The following HIPK2 variants were observed in gnomAD, a reference collection of about 807,000 sequenced individuals.
HIPK2 encodes homeodomain interacting protein kinase 2, also known as homeodomain-interacting protein kinase 2.
A neutral mutation model predicts 113.7 loss-of-function variants in HIPK2; 27 were observed. The observed-to-expected ratio is 0.24, with a 90% CI of 0.17 to 0.33. The LOEUF is 0.33. Among genes scored for constraint, HIPK2 ranks in the 10% least tolerant of loss-of-function variants. The pLI is 1.00. For synonymous variants in HIPK2, 631 were observed against 642.2 expected (o/e 0.98, Z 0.26); for missense variants, 1,257 against 1,588.0 (o/e 0.79, Z 3.54).
intron 2 of HIPK2, among the ~76,000 whole-genome samples, chr7:139,641,784 G>A (rs1359872637): frequency 2.0e-5 from 3 of 152,202 alleles, no homozygotes; most frequent in African/African-American, 7.2e-5. Context: ...TCAATGTCTT[G>A]CTCATTTACA....
chr7:139,575,318 A>G (rs572022012), intron 13 of HIPK2, 30 bp from the exon 14 acceptor site: 1 of 1,540,666 alleles, frequency 6.5e-7, no homozygotes, highest in African/African-American at 1.4e-5. Flanking sequence ...AGGTCAGATC[A>G]GTGGCAGGGT....
rs372767243 is a variant in HIPK2, at chr7:139,743,865, T to C, written c.20-26850A>G. On this transcript the variant is annotated intron_variant, in intron 1 of 14. Transcript: ENST00000406875. ...AGAGACCTGGAATGAGGAACTAACA[T>C]TGATTGTATGCCTATTTAAAAGCCA... Among the ~76,000 whole-genome samples, 11 of 152,358 alleles carry C rather than the reference T, an allele frequency of 7.2e-5. No homozygotes were observed. The South Asian group carries it at 2.1e-3, about 29-fold the overall frequency.
intron 7 of HIPK2, among the ~76,000 whole-genome samples, chr7:139,617,399 A>C (rs969520585): frequency 6.6e-6 from 1 of 152,212 alleles, no homozygotes; most frequent in African/African-American, 2.4e-5. Context: ...CAGGTTTTCC[A>C]AAAATGGAAG....
chr7:139,712,790 C>T (rs757581732), intron 2 of HIPK2, among the ~76,000 whole-genome samples: 1 of 152,116 alleles, frequency 6.6e-6, no homozygotes, highest in Non-Finnish European at 1.5e-5. Flanking sequence ...ACAGCTGGGA[C>T]GAAAAGAGAC....
chr7:139,636,953 C>T (rs533033999), intron 2 of HIPK2, among the ~76,000 whole-genome samples: 1 of 152,288 alleles, frequency 6.6e-6, no homozygotes, highest in East Asian at 1.9e-4. Flanking sequence ...CTCTGATCCC[C>T]CTCTCTAAAC....
chr7:139,698,972 T>C (rs2116834694), intron 2 of HIPK2, among the ~76,000 whole-genome samples: 1 of 152,082 alleles, frequency 6.6e-6, no homozygotes, highest in South Asian at 2.1e-4. Flanking sequence ...GAAAGATGAA[T>C]AGAGAAATGA....
chr7:139,582,376 C>T (rs1425934814), intron 13 of HIPK2, among the ~76,000 whole-genome samples: 2 of 152,218 alleles, frequency 1.3e-5, no homozygotes, highest in Non-Finnish European at 2.9e-5. Context: ...CGAGAGAGCA[C>T]AGCGCGAGCT....
intron 9 of HIPK2, among the ~76,000 whole-genome samples, chr7:139,607,736 T>C (rs919772605): frequency 6.6e-6 from 1 of 151,954 alleles, no homozygotes; most frequent in African/African-American, 2.4e-5. Context: ...GTGGGAGGAA[T>C]AGGAGAAAAG....
intron 1 of HIPK2, among the ~76,000 whole-genome samples, chr7:139,744,274 A>T (rs1338270573): frequency 6.6e-6 from 1 of 152,270 alleles, no homozygotes; most frequent in East Asian, 1.9e-4. Context: ...TACAACATGG[A>T]TGAACCTCAA....
At position 139,562,415 on chromosome 7, in the gene HIPK2, T is replaced by G. The variant is rs1392181916; in HGVS notation, c.*10512A>C. On this transcript the variant is annotated 3_prime_UTR_variant, in exon 15 of 15. Coordinates refer to ENST00000406875, the MANE Select transcript of HIPK2 (RefSeq NM_022740.5). ...TCTTCCCTGTTCTCATTTTGGGGAG[T>G]GAGTCTTTCTATCCAGTGTCCTGAA... The G allele has an allele frequency of 1.3e-5, 2 of 152,046 alleles. No individual in the cohort carries two copies. Among genetic ancestry groups the G allele is most frequent in the East Asian group, 3.9e-4 (2 of 5,192 alleles). The allele number at this position is 152,046 out of a possible 1,614,324, so 9.4% of individuals were successfully genotyped here. A position where few individuals can be genotyped will look rare whatever the true frequency, so the allele number is the denominator to read the frequency against.
At chr7:139,729,197 C>A (rs1795687596) in intron 1 of HIPK2, among the ~76,000 whole-genome samples, 1 of 152,002 alleles carries the variant, frequency 6.6e-6, no homozygotes, top group African/African-American at 2.4e-5. Flanking sequence ...TGGTGGTGCA[C>A]ACCCATAGTC....
At chr7:139,621,316 G>A (rs372540835) in intron 6 of HIPK2, among the ~76,000 whole-genome samples, 20 of 152,290 alleles carry the variant, frequency 1.3e-4, no homozygotes, top group African/African-American at 3.1e-4. Context: ...GGCTACCTTC[G>A]TGTATACACA....
intron 6 of HIPK2, among the ~76,000 whole-genome samples, chr7:139,625,711 C>T (rs554549865): frequency 1.3e-5 from 2 of 152,332 alleles, no homozygotes; most frequent in African/African-American, 4.8e-5. Flanking sequence ...ATGCTCTCAT[C>T]ACACCTGATA....
intron 1 of HIPK2, among the ~76,000 whole-genome samples, chr7:139,723,093 C>T (rs1423053536): frequency 6.6e-6 from 1 of 151,912 alleles, no homozygotes; most frequent in Non-Finnish European, 1.5e-5. Context: ...ATGAGAAATT[C>T]ATTGGTCTGG....
intron 1 of HIPK2, among the ~76,000 whole-genome samples, chr7:139,764,136 A>G (rs981871577): frequency 1.3e-5 from 2 of 152,250 alleles, no homozygotes; most frequent in Non-Finnish European, 2.9e-5. Flanking sequence ...ATGCTAAGAT[A>G]TATGTTTAAA....
rs941932409 is a variant in HIPK2, at chr7:139,562,091, T to C, written c.*10836A>G. The C allele has an allele frequency of 5.9e-5, 9 of 152,268 alleles. No individual in the cohort carries two copies. The highest frequency in any genetic ancestry group is 1.9e-4 in the African/African-American group (8 of 41,536). 9.4% of individuals were successfully genotyped at this position (152,268 alleles called of 1,614,324 possible). A position where few individuals can be genotyped will look rare whatever the true frequency, so the allele number is the denominator to read the frequency against. Reference sequence around the variant, plus strand: ...AGGTTACATATAGGTCTACAACACATTGGTTTGTCTTTAAAAAAACAAAAG... The same window carrying C: ...AGGTTACATATAGGTCTACAACACACTGGTTTGTCTTTAAAAAAACAAAAG... On this transcript the variant is annotated 3_prime_UTR_variant, in exon 15 of 15. Transcript: ENST00000406875.
chr7:139,581,596 T>C (rs558401533), intron 13 of HIPK2, among the ~76,000 whole-genome samples: 1 of 152,242 alleles, frequency 6.6e-6, no homozygotes, highest in South Asian at 2.1e-4. Flanking sequence ...CTAAGAGGGC[T>C]GGGGGAGCGC....
intron 6 of HIPK2, among the ~76,000 whole-genome samples, 190 bp from the exon 7 acceptor site, chr7:139,620,753 C>T (rs1227857939): frequency 1.3e-5 from 2 of 152,282 alleles, no homozygotes; most frequent in East Asian, 3.9e-4. Context: ...GCAACAGGCA[C>T]GGTTATTCAG....
In HIPK2 at chr7:139,631,899, C is replaced by T; in HGVS notation, c.1104-174G>A. ...AATCCTTCCATTCTTTGGCTTGGTC[C>T]CCTCCATTAGTGGAGGGCCCACTTG... On this transcript the variant is annotated intron_variant, in intron 2 of 14. Coordinates refer to ENST00000406875, the MANE Select transcript of HIPK2 (RefSeq NM_022740.5). The surrounding 1 kb of genome is among the most constrained non-coding windows in gnomAD (Gnocchi z 4.9). The T allele has an allele frequency of 2.5e-6, 1 of 400,186 alleles. No homozygotes were observed. The highest frequency in any genetic ancestry group is 3.4e-6 in the Non-Finnish European group (1 of 295,554). 24.8% of individuals were successfully genotyped at this position (400,186 alleles called of 1,614,324 possible).
Sources: allele counts gnomAD v4.1 joint callset (sites outside exome capture counted in the v4.1 genomes callset), GRCh38; gene constraint gnomAD v4.1.1; non-coding constraint Gnocchi (gnomAD v3.1); transcripts MANE v1.5; gene names NCBI Gene and HGNC (gene_info 2026-07-23, HGNC 2026-07-21).